The following GLIS3 variants were observed in gnomAD, a reference collection of about 807,000 sequenced individuals.
GLIS3 encodes the protein GLIS family zinc finger 3.
A neutral mutation model predicts 78.6 loss-of-function variants in GLIS3; 53 were observed. The observed-to-expected ratio is 0.67, with a 90% CI of 0.54 to 0.85. The LOEUF is 0.85. Among genes scored for constraint, GLIS3 ranks in the 40% least tolerant of loss-of-function variants. The pLI is 0.00. For missense variants in GLIS3, 1,703 were observed against 1,231.1 expected, an observed-to-expected ratio of 1.38 and a Z score of -5.74; for synonymous variants, 684 against 509.9, an observed-to-expected ratio of 1.34 and a Z score of -4.60.
chr9:4,331,456 C>A (rs1265031110), intron 2 of GLIS3, among the ~76,000 whole-genome samples: 2 of 152,148 alleles, frequency 1.3e-5, no homozygotes, highest in African/African-American at 4.8e-5. Flanking sequence ...CACTATTCAA[C>A]CCACTGTACC....
chr9:4,455,168 T>A, the GLIS3 span, among the ~76,000 whole-genome samples: 2 of 152,236 alleles, frequency 1.3e-5, no homozygotes, highest in African/African-American at 4.8e-5. Flanking sequence ...TTGTGGCATA[T>A]TGTAAAGTTA....
intron 9 of GLIS3, among the ~76,000 whole-genome samples, chr9:3,830,305 C>T (rs943328410): frequency 6.6e-6 from 1 of 151,958 alleles, no homozygotes; most frequent in South Asian, 2.1e-4. Context: ...TTTCTTCTTT[C>T]TCCTTGCCTC....
chr9:3,968,237 C>CACCTTTAAT (rs1207623680), intron 4 of GLIS3, among the ~76,000 whole-genome samples: 2 of 152,200 alleles, frequency 1.3e-5, no homozygotes, highest in African/African-American at 4.8e-5. Flanking sequence ...CAGGAAGCCT[C>CACCTTTAAT]ACCTTTAATG....
intron 2 of GLIS3, 80 bp downstream of exon 2, chr9:4,285,958 T>C (rs767442693): frequency 1.1e-5 from 17 of 1,522,588 alleles, no homozygotes; most frequent in Middle Eastern, 1.7e-4. Flanking sequence ...TATTTTTCCA[T>C]AGGATTTGCT....
the GLIS3 span, among the ~76,000 whole-genome samples, chr9:4,372,836 C>A: frequency 2.0e-5 from 3 of 152,174 alleles, no homozygotes; most frequent in Non-Finnish European, 4.4e-5. Flanking sequence ...TTCTCACCTC[C>A]TGCCACTTTG....
chr9:3,869,539 C>T (rs1438665538), intron 8 of GLIS3, among the ~76,000 whole-genome samples: 1 of 152,186 alleles, frequency 6.6e-6, no homozygotes, highest in Admixed American at 6.5e-5. Flanking sequence ...TATATTAGAG[C>T]AACTATGCAT....
At chr9:3,900,053 G>C (rs1434449416) in intron 6 of GLIS3, among the ~76,000 whole-genome samples, 1 of 152,086 alleles carries the variant, frequency 6.6e-6, no homozygotes, top group Admixed American at 6.6e-5. Flanking sequence ...TGGTTGTGCG[G>C]AGAAGTAAGA....
intron 4 of GLIS3, chr9:4,305,728 G>C (rs1330085013): frequency 2.9e-5 from 4 of 138,916 alleles, no homozygotes; most frequent in African/African-American, 1.1e-4. Context: ...AGAGCCACTG[G>C]AAAGGTAGCC....
At chr9:4,338,495 C>G (rs571905377) in intron 2 of GLIS3, among the ~76,000 whole-genome samples, 2 of 151,952 alleles carry the variant, frequency 1.3e-5, no homozygotes, top group Non-Finnish European at 2.9e-5. Context: ...CCATACTAGA[C>G]AACCTATGAG....
At chr9:4,480,078 T>C in the GLIS3 span, among the ~76,000 whole-genome samples, 6 of 152,074 alleles carry the variant, frequency 3.9e-5, no homozygotes, top group Middle Eastern at 3.4e-3. Context: ...AGAAAATATT[T>C]TCTTCTGATT....
chr9:4,268,003 G>A (rs1246199869), intron 2 of GLIS3, among the ~76,000 whole-genome samples: 5 of 151,780 alleles, frequency 3.3e-5, no homozygotes, highest in African/African-American at 7.3e-5. Flanking sequence ...ATATGTGTGT[G>A]AATATATACA....
the GLIS3 span, among the ~76,000 whole-genome samples, chr9:4,448,248 G>A: frequency 4.6e-5 from 7 of 152,206 alleles, no homozygotes; most frequent in Non-Finnish European, 7.4e-5. Context: ...TTCATCTATC[G>A]GGGATCATTT....
intron 4 of GLIS3, among the ~76,000 whole-genome samples, chr9:4,042,761 G>A (rs1824928239): frequency 6.6e-6 from 1 of 152,024 alleles, no homozygotes; most frequent in Admixed American, 6.6e-5. Flanking sequence ...AGTATTCTTT[G>A]GAAAACAATA....
chr9:4,295,232 T>C (rs1159977943), intron 1 of GLIS3, among the ~76,000 whole-genome samples: 1 of 152,080 alleles, frequency 6.6e-6, no homozygotes, highest in Non-Finnish European at 1.5e-5. Context: ...GACGGTGAAA[T>C]ACACTCTGGG....
chr9:4,440,969 A>G, the GLIS3 span, among the ~76,000 whole-genome samples: 1 of 152,196 alleles, frequency 6.6e-6, no homozygotes, highest in African/African-American at 2.4e-5. Context: ...CTATTAGCAT[A>G]TAGGAACACT....
intron 2 of GLIS3, among the ~76,000 whole-genome samples, chr9:4,269,765 C>G (rs10124633): frequency 6.6e-6 from 1 of 151,994 alleles, no homozygotes; most frequent in South Asian, 2.1e-4. Flanking sequence ...TTAATTTTGT[C>G]TGAGAATAAT....
chr9:3,912,305 C>T (rs958862548), intron 6 of GLIS3, among the ~76,000 whole-genome samples: 4 of 152,196 alleles, frequency 2.6e-5, no homozygotes, highest in African/African-American at 9.7e-5. Flanking sequence ...GGGGCAGTCT[C>T]CTAATCAAGA....
At chr9:4,003,907 G>A (rs914488645) in intron 4 of GLIS3, among the ~76,000 whole-genome samples, 8 of 152,160 alleles carry the variant, frequency 5.3e-5, no homozygotes, top group African/African-American at 1.9e-4. Context: ...TAAATCTTTC[G>A]TGGTTAAGGC....
At chr9:3,957,389 T>A (rs1035554082) in intron 4 of GLIS3, among the ~76,000 whole-genome samples, 4 of 152,232 alleles carry the variant, frequency 2.6e-5, no homozygotes, top group African/African-American at 9.6e-5. Context: ...AAGTTGCTAT[T>A]GATGTGGCAG....
Sources: allele counts gnomAD v4.1 joint callset (sites outside exome capture counted in the v4.1 genomes callset), GRCh38; gene constraint gnomAD v4.1.1; transcripts MANE v1.5; gene names NCBI Gene and HGNC (gene_info 2026-07-23, HGNC 2026-07-21).